Variants in STARD13 observed in about 807,000 individuals in gnomAD.
STARD13 encodes StAR related lipid transfer domain containing 13, also known as stAR-related lipid transfer protein 13.
A neutral mutation model predicts 106.4 loss-of-function variants in STARD13; 62 were observed. The ratio of observed to expected loss-of-function variants is 0.58; its 90% CI spans 0.48 to 0.72. STARD13 has a LOEUF of 0.72. Among genes scored for constraint, STARD13 ranks in the 30% least tolerant of loss-of-function variants. The pLI is 0.00. For synonymous variants in STARD13, 565 were observed against 553.0 expected, an observed-to-expected ratio of 1.02 and a Z score of -0.31; for missense variants, 1,387 against 1,424.0, an observed-to-expected ratio of 0.97 and a Z score of 0.42.
At chr13:33,467,819 C>T in the STARD13 span, among the ~76,000 whole-genome samples, 1 of 152,032 alleles carries the variant, frequency 6.6e-6, no homozygotes, top group East Asian at 1.9e-4. Flanking sequence ...ATGTCTCATC[C>T]CCAGGTTTGC....
At chr13:33,170,791 T>C (rs2138391824) in intron 1 of STARD13, among the ~76,000 whole-genome samples, 1 of 152,240 alleles carries the variant, frequency 6.6e-6, no homozygotes, top group South Asian at 2.1e-4. Context: ...TCTTGATACC[T>C]CAATTTAAGG....
At chr13:33,253,712 T>A (rs1258229564) in intron 1 of STARD13, among the ~76,000 whole-genome samples, 1 of 151,844 alleles carries the variant, frequency 6.6e-6, no homozygotes, top group East Asian at 1.9e-4. Context: ...CCCCCTTCAA[T>A]GTATGGCGTT....
At chr13:33,114,082 T>C (rs1303003738) in intron 8 of STARD13, among the ~76,000 whole-genome samples, 2 of 152,188 alleles carry the variant, frequency 1.3e-5, no homozygotes, top group Non-Finnish European at 2.9e-5. Context: ...GTTTATCTTT[T>C]CTCTTACCCA....
chr13:33,316,079 A>G lies in STARD13; in HGVS notation c.124+34211T>C, dbSNP rs572118344. On this transcript the variant is annotated intron_variant, in intron 1 of 5. Transcript: ENST00000567873. Reference sequence around the variant, plus strand: ...ATGGAAATCACTGTCGTGATGTACAATTTATCTTTTAAAGATTACATAAAG... The same window carrying G: ...ATGGAAATCACTGTCGTGATGTACAGTTTATCTTTTAAAGATTACATAAAG... Among the ~76,000 whole-genome samples, 3 of 152,308 alleles carry G rather than the reference A, an allele frequency of 2.0e-5. No individual in the cohort carries two copies. In the South Asian group the frequency reaches 6.2e-4, roughly 32 times the overall value.
intron 1 of STARD13, among the ~76,000 whole-genome samples, chr13:33,261,259 A>G (rs1234977562): frequency 6.6e-6 from 1 of 152,190 alleles, no homozygotes; most frequent in Non-Finnish European, 1.5e-5. Flanking sequence ...TGGTATCCAG[A>G]GGTAAAAACT....
At chr13:33,334,853 TAC>T (rs1285457095) in intron 1 of STARD13, among the ~76,000 whole-genome samples, 9 of 151,902 alleles carry the variant, frequency 5.9e-5, no homozygotes, top group Admixed American at 5.9e-4. Context: ...CACACACTCC[TAC>T]ACCCCCCACC....
At chr13:33,388,545 A>C in the STARD13 span, among the ~76,000 whole-genome samples, 1 of 152,310 alleles carries the variant, frequency 6.6e-6, no homozygotes, top group East Asian at 1.9e-4. Flanking sequence ...AGCTGAGTAC[A>C]TACCCACAAA....
At chr13:33,209,470 C>T (rs1454225433) in intron 1 of STARD13, among the ~76,000 whole-genome samples, 17 of 119,366 alleles carry the variant, frequency 1.4e-4, no homozygotes, top group African/African-American at 4.9e-4. Flanking sequence ...TTTTTTTTTT[C>T]CAAATTCCAG....
At chr13:33,622,282 T>C in the STARD13 span, among the ~76,000 whole-genome samples, 1 of 152,176 alleles carries the variant, frequency 6.6e-6, no homozygotes, top group Non-Finnish European at 1.5e-5. Flanking sequence ...ACCATCTGTA[T>C]GAACATAGAC....
chr13:33,111,994 C>G (rs889617130), intron 9 of STARD13, 102 bp from the exon 10 acceptor site: 2 of 694,888 alleles, frequency 2.9e-6, no homozygotes, highest in Non-Finnish European at 5.2e-6. Context: ...AGATGCTATC[C>G]AGATCCCAGG....
chr13:33,325,925 C>A (rs1030892086), intron 1 of STARD13, among the ~76,000 whole-genome samples: 27 of 137,964 alleles, frequency 2.0e-4, no homozygotes, highest in African/African-American at 7.1e-4. Flanking sequence ...GCGGAGCTTG[C>A]AGTGAGCCGA....
At chr13:33,339,991 G>GTTT (rs967435599) in intron 1 of STARD13, among the ~76,000 whole-genome samples, 2 of 152,058 alleles carry the variant, frequency 1.3e-5, no homozygotes, top group African/African-American at 4.8e-5. Context: ...ATCCATCATT[G>GTTT]TTTTCTAGTT....
the STARD13 span, among the ~76,000 whole-genome samples, chr13:33,602,176 C>T: frequency 6.6e-6 from 1 of 151,404 alleles, no homozygotes; most frequent in Admixed American, 6.6e-5. Context: ...GCTGCAACCT[C>T]TGCCTCCCAG....
At chr13:33,434,343 ACT>A in the STARD13 span, among the ~76,000 whole-genome samples, 1 of 109,182 alleles carries the variant, frequency 9.2e-6, no homozygotes, top group Non-Finnish European at 1.7e-5. Context: ...ATAGAGCAAG[ACT>A]CTGTCTCAAA....
Position 33,112,899 on chromosome 13 carries a change from G to A in STARD13, c.2314C>T (p.Gln772Ter). 6.2e-7 allele frequency: 1 copy of A among 1,612,268 alleles called. No individual in the cohort carries two copies. Among genetic ancestry groups the A allele is most frequent in the Non-Finnish European group, 8.5e-7 (1 of 1,179,258 alleles). Residue 772 changes from glutamine to a stop codon, truncating the protein, a stop_gained, in exon 9 of 14, where the codon CAG becomes TAG. Coordinates refer to ENST00000336934, the MANE Select transcript of STARD13 (RefSeq NM_178006.4). LOFTEE classifies it high-confidence loss of function. Reference sequence around the variant, plus strand: ...TCGGCCAGTAGCAGGATGGCAGCCTGCACGGCCTGCAGCCGCTGCTCTTTG... The same window carrying A: ...TCGGCCAGTAGCAGGATGGCAGCCTACACGGCCTGCAGCCGCTGCTCTTTG... ...VSKEQRLQAV[Q>*]AAILLLADEN...
chr13:33,481,796 G>T, the STARD13 span, among the ~76,000 whole-genome samples: 34 of 151,878 alleles, frequency 2.2e-4, no homozygotes, highest in Non-Finnish European at 7.4e-5. Flanking sequence ...TGGCTAACAC[G>T]GTGAAACCCT....
At chr13:33,489,158 G>A in the STARD13 span, among the ~76,000 whole-genome samples, 1 of 152,038 alleles carries the variant, frequency 6.6e-6, no homozygotes, top group Non-Finnish European at 1.5e-5. Flanking sequence ...GTTCATACCA[G>A]CATATTTTAT....
chr13:33,118,099 G>A lies in STARD13; in HGVS notation c.2247C>T (p.Asn749=), dbSNP rs758654236. 1.4e-5 allele frequency: 22 copies of A among 1,614,114 alleles called. No individual in the cohort carries two copies. The South Asian group carries it at 2.4e-4, about 18-fold the overall frequency. The change falls in exon 8 of 14, where the codon AAC becomes AAT. Residue 749 remains asparagine (N), a synonymous_variant. Transcript: ENST00000336934. ...TATGGAGAAAGGTCTCACTGAGCTT[G>A]TTGGTGAAAAGAGGCTCAGGGAGGT... The part of the protein sequence containing the change: ...FRDLPEPLFT[N]KLSETFLHIY...
the STARD13 span, among the ~76,000 whole-genome samples, chr13:33,389,637 C>A: frequency 1.3e-5 from 2 of 152,156 alleles, no homozygotes; most frequent in African/African-American, 4.8e-5. Flanking sequence ...ATTAATTATT[C>A]TTATAGTCAC....
Sources: gnomAD v4.1 joint callset for allele counts (sites outside exome capture counted in the v4.1 genomes callset) on GRCh38, gnomAD v4.1.1 for gene constraint, MANE v1.5 for transcripts, NCBI Gene and HGNC (gene_info 2026-07-23, HGNC 2026-07-21) for gene names.